Variants in CDH18 observed in about 807,000 individuals in gnomAD.
CDH18 encodes the protein cadherin-18.
CDH18 carries 31 observed loss-of-function variants against 67.9 expected under a neutral mutation model. The ratio of observed to expected loss-of-function variants is 0.46; its 90% CI spans 0.34 to 0.62. The LOEUF is 0.62. Ranked by LOEUF, CDH18 falls within the 20% of genes least tolerant of loss-of-function variation. CDH18 has a pLI of 0.01. For missense variants in CDH18, 890 were observed against 975.5 expected (o/e 0.91, Z 1.17); for synonymous variants, 362 against 347.2 (o/e 1.04, Z -0.48).
In CDH18 at chr5:19,776,503, G is replaced by A. The variant is rs150906179; in HGVS notation, c.229-29267C>T. Among the ~76,000 whole-genome samples, 580 of 152,244 alleles carry A rather than the reference G, an allele frequency of 3.8e-3. 5 individuals carry two copies. The highest frequency in any genetic ancestry group is 0.013 in the African/African-American group (555 of 41,556). ...GGAAAGAAAGAGGGATGAATGTAGG[G>A]AGGAAGTAAAAGAGGAGAAAATAAA... On this transcript the variant is annotated intron_variant, in intron 3 of 12. Transcript: ENST00000382275.
chr5:19,720,438 A>G (rs913126838), intron 5 of CDH18, among the ~76,000 whole-genome samples: 1 of 152,126 alleles, frequency 6.6e-6, no homozygotes, highest in Non-Finnish European at 1.5e-5. Context: ...AAATATGTAC[A>G]TCCTTAAAAT....
chr5:20,455,582 C>G (rs969599637), intron 1 of CDH18, among the ~76,000 whole-genome samples: 1 of 151,822 alleles, frequency 6.6e-6, no homozygotes, highest in Admixed American at 6.6e-5. Flanking sequence ...GGTCAATATG[C>G]CTTATGTAGA....
intron 5 of CDH18, among the ~76,000 whole-genome samples, chr5:19,653,448 T>C (rs1334736309): frequency 6.6e-6 from 1 of 152,122 alleles, no homozygotes; most frequent in Non-Finnish European, 1.5e-5. Flanking sequence ...TGATGTATCC[T>C]TGCTGAATCT....
chr5:20,114,782 C>G (rs1295497640), intron 2 of CDH18, among the ~76,000 whole-genome samples: 2 of 152,080 alleles, frequency 1.3e-5, no homozygotes, highest in Non-Finnish European at 2.9e-5. Context: ...AGCTCTACAG[C>G]CCATTTCCTG....
chr5:19,741,391 C>A (rs888356270), intron 4 of CDH18, among the ~76,000 whole-genome samples: 1 of 149,682 alleles, frequency 6.7e-6, no homozygotes, highest in African/African-American at 2.5e-5. Context: ...TTACTAGGAA[C>A]CAAACACAAT....
chr5:20,229,703 TA>T lies in CDH18; in HGVS notation c.-518+25740del, dbSNP rs1296007402. ...AAACATTTTGTTCTTCAATTCCATA[TA>T]TTTTTTTTAATTTTTGCCTTCTTTT... On this transcript the variant is annotated intron_variant, in intron 2 of 14. Coordinates refer to the CDH18 transcript ENST00000507958. Among the ~76,000 whole-genome samples the T allele has an allele frequency of 2.2e-4, 34 of 152,238 alleles. No individual in the cohort carries two copies. In the South Asian group the frequency reaches 3.7e-3, roughly 17 times the overall value.
At chr5:20,390,999 G>A (rs1744801804) in intron 1 of CDH18, among the ~76,000 whole-genome samples, 1 of 152,034 alleles carries the variant, frequency 6.6e-6, no homozygotes, top group Non-Finnish European at 1.5e-5. Flanking sequence ...TGGGGGAAGA[G>A]GGGAGGGATA....
intron 1 of CDH18, among the ~76,000 whole-genome samples, chr5:20,541,683 A>G (rs1561111894): frequency 6.6e-6 from 1 of 152,212 alleles, no homozygotes. Flanking sequence ...GTCTCTCTAA[A>G]TAAAATAAGT....
intron 2 of CDH18, among the ~76,000 whole-genome samples, chr5:19,841,783 T>G (rs1006331031): frequency 6.6e-6 from 1 of 152,164 alleles, no homozygotes; most frequent in Non-Finnish European, 1.5e-5. Context: ...ATTACAGATA[T>G]GTAAAATGAG....
intron 5 of CDH18, among the ~76,000 whole-genome samples, chr5:19,648,841 T>C (rs978912349): frequency 2.6e-5 from 4 of 151,806 alleles, no homozygotes; most frequent in African/African-American, 9.7e-5. Flanking sequence ...GTTTTTTTTT[T>C]CATGCAGAGT....
chr5:20,018,647 T>C (rs538824789), intron 2 of CDH18, among the ~76,000 whole-genome samples: 1 of 152,228 alleles, frequency 6.6e-6, no homozygotes, highest in South Asian at 2.1e-4. Context: ...TTCTTTAAGG[T>C]TATAGATTCA....
chr5:20,243,807 C>G (rs188061572), intron 2 of CDH18, among the ~76,000 whole-genome samples: 4 of 151,978 alleles, frequency 2.6e-5, no homozygotes, highest in South Asian at 2.1e-4. Flanking sequence ...ACTAGTGAAA[C>G]TTTATAATGG....
chr5:19,841,046 T>C (rs1033696451), intron 2 of CDH18, among the ~76,000 whole-genome samples: 8 of 152,158 alleles, frequency 5.3e-5, no homozygotes, highest in Non-Finnish European at 8.8e-5. Flanking sequence ...TACACAGATT[T>C]GGTCACGAAG....
At chr5:19,920,893 GCACACACACA>G in intron 2 of CDH18, among the ~76,000 whole-genome samples, 2 of 146,208 alleles carry the variant, frequency 1.4e-5, no homozygotes, top group African/African-American at 5.1e-5. Flanking sequence ...ACCCACAAGA[GCACACACACA>G]CACACACACA....
intron 2 of CDH18, among the ~76,000 whole-genome samples, chr5:20,107,434 TC>T (rs1412861292): frequency 6.6e-6 from 1 of 152,222 alleles, no homozygotes; most frequent in Non-Finnish European, 1.5e-5. Context: ...TGTCCCTATC[TC>T]TGCAAATTAT....
At chr5:20,288,101 A>T (rs1580672708) in intron 1 of CDH18, among the ~76,000 whole-genome samples, 1 of 151,702 alleles carries the variant, frequency 6.6e-6, no homozygotes, top group Non-Finnish European at 1.5e-5. Context: ...TGTGGACCAA[A>T]TGCCATGCAA....
chr5:19,900,511 T>C (rs193234421), intron 2 of CDH18, among the ~76,000 whole-genome samples: 12 of 152,276 alleles, frequency 7.9e-5, no homozygotes, highest in Admixed American at 2.0e-4. Context: ...CAAACGATAA[T>C]TTGACAATTA....
At chr5:20,185,334 C>T (rs193097307) in intron 2 of CDH18, among the ~76,000 whole-genome samples, 2 of 152,058 alleles carry the variant, frequency 1.3e-5, no homozygotes, top group Admixed American at 6.6e-5. Flanking sequence ...GCAGCCTTCC[C>T]CCTGGGCTCC....
intron 2 of CDH18, among the ~76,000 whole-genome samples, chr5:19,966,525 A>G (rs572663285): frequency 6.6e-6 from 1 of 152,268 alleles, no homozygotes; most frequent in South Asian, 2.1e-4. Flanking sequence ...TGGAGATGAT[A>G]TATTTAGCAA....
Sources: allele counts gnomAD v4.1 joint callset (sites outside exome capture counted in the v4.1 genomes callset), GRCh38; gene constraint gnomAD v4.1.1; transcripts MANE v1.5; gene names NCBI Gene and HGNC (gene_info 2026-07-23, HGNC 2026-07-21).